Variants in GSG1L observed in about 807,000 individuals in gnomAD.
The protein encoded by GSG1L is GSG1 like, also known as germ cell-specific gene 1-like protein.
GSG1L carries 24 observed loss-of-function variants against 42.1 expected under a neutral mutation model. That is an observed-to-expected ratio of 0.57 (90% CI 0.41 to 0.80). The LOEUF is 0.80. Among genes scored for constraint, GSG1L ranks in the 30% least tolerant of loss-of-function variants. The probability of loss-of-function intolerance (pLI) is 0.00; values close to 1 mark genes in which losing one functional copy is unlikely to be tolerated. For synonymous variants in GSG1L, 215 were observed against 203.5 expected (o/e 1.06, Z -0.48); for missense variants, 445 against 472.2 (o/e 0.94, Z 0.53).
chr16:28,034,260 ATCCCATCCCATCCCAT>A, intron 1 of GSG1L, among the ~76,000 whole-genome samples: 3 of 78,394 alleles, frequency 3.8e-5, no homozygotes, highest in African/African-American at 1.6e-4. Context: ...ATCCCATCCC[ATCCCATCCCATCCCAT>A]TCCATCCCAA....
At chr16:28,014,654 A>ATTTTTTTTTTTT in intron 1 of GSG1L, among the ~76,000 whole-genome samples, 1 of 73,454 alleles carries the variant, frequency 1.4e-5, no homozygotes, top group Non-Finnish European at 2.6e-5. Flanking sequence ...CAGGCACGCT[A>ATTTTTTTTTTTT]TTTTTTTTTT....
Position 27,988,336 on chromosome 16 carries a change from T to A in GSG1L, c.350-25133A>T, listed in dbSNP as rs550846205. ...AAGAGAAACAATTCTATATACAGAG[T>A]GTATAAAGAAAGCAAAATGTATTTT... On this transcript the variant is annotated intron_variant, in intron 1 of 6. Coordinates refer to ENST00000447459, the MANE Select transcript of GSG1L (RefSeq NM_001109763.2). 5.9e-5 allele frequency among the ~76,000 whole-genome samples: 9 copies of A among 151,888 alleles called. No homozygotes were observed. In the South Asian group the frequency reaches 1.7e-3, roughly 28 times the overall value.
At chr16:27,930,738 T>C (rs1255543125) in intron 2 of GSG1L, among the ~76,000 whole-genome samples, 2 of 152,172 alleles carry the variant, frequency 1.3e-5, no homozygotes, top group Non-Finnish European at 2.9e-5. Context: ...CTTTCTTTTT[T>C]TAAAGAGACA....
At chr16:28,045,427 G>A (rs887612367) in intron 1 of GSG1L, among the ~76,000 whole-genome samples, 2 of 152,202 alleles carry the variant, frequency 1.3e-5, no homozygotes, top group African/African-American at 2.4e-5. Flanking sequence ...TGTAATTCCA[G>A]CACTGTGGGA....
intron 2 of GSG1L, among the ~76,000 whole-genome samples, chr16:27,959,138 TG>T (rs987946675): frequency 2.7e-5 from 4 of 150,222 alleles, no homozygotes; most frequent in African/African-American, 9.8e-5. Flanking sequence ...GGCTGTTGAT[TG>T]GGGTTTCCTA....
intron 1 of GSG1L, among the ~76,000 whole-genome samples, chr16:27,965,353 T>A (rs965174977): frequency 3.3e-5 from 5 of 152,248 alleles, no homozygotes; most frequent in Admixed American, 2.0e-4. Flanking sequence ...TTTAATTAAA[T>A]TTTTAAGTAA....
Position 28,006,531 on chromosome 16 carries a change from A to T in GSG1L, c.350-43328T>A, listed in dbSNP as rs565690036. ...ACCATGTTGGCCAGGCTGGTCTTGA[A>T]CTCCTTGCCTCAAGTGATCTGCCCA... On this transcript the variant is annotated intron_variant, in intron 1 of 6. Coordinates refer to ENST00000447459, the MANE Select transcript of GSG1L (RefSeq NM_001109763.2). 7.9e-5 allele frequency among the ~76,000 whole-genome samples: 12 copies of T among 151,556 alleles called. No homozygotes were observed. In the South Asian group the frequency reaches 2.5e-3, roughly 32 times the overall value.
chr16:27,840,856 G>A (rs2083373073), intron 4 of GSG1L, among the ~76,000 whole-genome samples: 1 of 152,068 alleles, frequency 6.6e-6, no homozygotes, highest in South Asian at 2.1e-4. Flanking sequence ...ACCGCCAGCC[G>A]GCACCAGCTG....
chr16:28,061,842 G>A (rs956280451), intron 1 of GSG1L, among the ~76,000 whole-genome samples: 1 of 152,188 alleles, frequency 6.6e-6, no homozygotes, highest in Non-Finnish European at 1.5e-5. Flanking sequence ...CCAGTGAAAG[G>A]AGCCCCTGAA....
chr16:27,940,421 C>T (rs898740439), intron 2 of GSG1L, among the ~76,000 whole-genome samples: 4 of 144,696 alleles, frequency 2.8e-5, no homozygotes, highest in Admixed American at 7.0e-5. Context: ...TATTGCGGCA[C>T]TATTCACAAT....
chr16:28,030,804 A>G (rs13338005), intron 1 of GSG1L, among the ~76,000 whole-genome samples: 102,172 of 119,262 alleles, frequency 0.86, 43,358 homozygotes, highest in Admixed American at 0.89. Context: ...GGGATGAGAT[A>G]AGTTGTATTG....
At chr16:28,038,837 C>A (rs1291233191) in intron 1 of GSG1L, among the ~76,000 whole-genome samples, 1 of 152,106 alleles carries the variant, frequency 6.6e-6, no homozygotes, top group Non-Finnish European at 1.5e-5. Context: ...GATAATGATC[C>A]CGCTGCACAT....
chr16:27,803,713 G>A lies in GSG1L; in HGVS notation c.898+3774C>T, dbSNP rs576989607. Among the ~76,000 whole-genome samples the A allele has an allele frequency of 3.4e-4, 50 of 149,048 alleles. No individual in the cohort carries two copies. In the South Asian group the frequency reaches 0.011, roughly 32 times the overall value. Reference sequence around the variant, plus strand: ...TTGTGCATATTGTAGATTACAAGATGGTCTCCTGGTCTCGAGTTTGGCTCT... The same window carrying A: ...TTGTGCATATTGTAGATTACAAGATAGTCTCCTGGTCTCGAGTTTGGCTCT... On this transcript the variant is annotated intron_variant, in intron 6 of 6. Transcript: ENST00000447459.
chr16:28,014,908 C>T (rs1341166993), intron 1 of GSG1L, among the ~76,000 whole-genome samples: 1 of 152,158 alleles, frequency 6.6e-6, no homozygotes, highest in Non-Finnish European at 1.5e-5. Flanking sequence ...CTTGTCCTCT[C>T]GGGAAAGGAG....
At chr16:28,054,319 C>A (rs1167724496) in intron 1 of GSG1L, among the ~76,000 whole-genome samples, 2 of 152,238 alleles carry the variant, frequency 1.3e-5, no homozygotes, top group Non-Finnish European at 2.9e-5. Flanking sequence ...TGAGAAGGGA[C>A]CCTGCCCCCT....
chr16:27,976,529 A>G (rs1457282906), intron 1 of GSG1L, among the ~76,000 whole-genome samples: 1 of 152,178 alleles, frequency 6.6e-6, no homozygotes, highest in African/African-American at 2.4e-5. Context: ...CCACAGTGAG[A>G]CAGAAATTGA....
intron 1 of GSG1L, among the ~76,000 whole-genome samples, chr16:28,013,225 A>AC (rs1567555744): frequency 6.6e-6 from 1 of 151,838 alleles, no homozygotes; most frequent in African/African-American, 2.4e-5. Context: ...GACTCAAAAA[A>AC]AAAAAAAACT....
At chr16:27,917,376 G>A (rs913189752) in intron 2 of GSG1L, among the ~76,000 whole-genome samples, 1 of 151,986 alleles carries the variant, frequency 6.6e-6, no homozygotes, top group Non-Finnish European at 1.5e-5. Context: ...GAGAGGGGCG[G>A]GGGGAGAAGC....
At position 27,891,884 on chromosome 16, in the gene GSG1L, C is replaced by CTT. The variant is rs60746199; in HGVS notation, c.398-7248_398-7247dup. Among the ~76,000 whole-genome samples the CTT allele has an allele frequency of 1.5e-3, 108 of 74,334 alleles. 9 individuals carry two copies. Among genetic ancestry groups the CTT allele is most frequent in the East Asian group, 5.3e-3 (9 of 1,704 alleles). The allele number at this position is 74,334 out of a possible 152,430, so 48.8% of individuals were successfully genotyped here. On this transcript the variant is annotated intron_variant, in intron 2 of 6. Transcript: ENST00000447459. ...TCTGCAGGTACCGTCAGTGACAGAT[C>CTT]TTTTTTTTTTTTTTTTTTTTTTTTA...
Sources: allele counts gnomAD v4.1 joint callset (sites outside exome capture counted in the v4.1 genomes callset), GRCh38; gene constraint gnomAD v4.1.1; transcripts MANE v1.5; gene names NCBI Gene and HGNC (gene_info 2026-07-23, HGNC 2026-07-21).